Variants in ANXA6 observed in about 807,000 individuals in gnomAD.
ANXA6 encodes 67 kDa calelectrin.
Under a neutral mutation model 95.4 loss-of-function variants are expected in ANXA6, and 71 were observed. The observed-to-expected ratio is 0.74, with a 90% CI of 0.61 to 0.91. The LOEUF (loss-of-function observed/expected upper bound fraction) is 0.91, where lower values mean the gene tolerates loss of function less well. Ranked by LOEUF, ANXA6 falls within the 40% of genes least tolerant of loss-of-function variation. ANXA6 has a pLI of 0.00. For missense variants in ANXA6, 830 were observed against 876.4 expected, an observed-to-expected ratio of 0.95 and a Z score of 0.67; for synonymous variants, 289 against 315.9, an observed-to-expected ratio of 0.91 and a Z score of 0.90.
chr5:151,138,980 T>G, intron 4 of ANXA6, 189 bp from the exon 5 acceptor site: 1 of 609,972 alleles, frequency 1.6e-6, no homozygotes, highest in Non-Finnish European at 2.9e-6. Context: ...GAGGTCTTAC[T>G]CCATGTCATG....
At chr5:151,106,874 G>A (rs1445530267) in intron 23 of ANXA6, among the ~76,000 whole-genome samples, 1 of 152,216 alleles carries the variant, frequency 6.6e-6, no homozygotes, top group African/African-American at 2.4e-5. Context: ...GCCATTGGAT[G>A]GAGGAGTGTG....
intron 2 of ANXA6, among the ~76,000 whole-genome samples, chr5:151,143,233 T>C (rs1765884046): frequency 6.6e-6 from 1 of 152,086 alleles, no homozygotes; most frequent in Admixed American, 6.6e-5. Flanking sequence ...TCCCCTCAGA[T>C]TCCATCTGGG....
At position 151,114,371 on chromosome 5, in the gene ANXA6, G is replaced by A. The variant is rs945516991; in HGVS notation, c.1572+2756C>T. ...TCACGCCTGTAATCCTAGCACTTTG[G>A]GAGGCTGAGGCGGGCGGATCACTTG... On this transcript the variant is annotated intron_variant, in intron 20 of 25. Transcript: ENST00000354546. Among the ~76,000 whole-genome samples the A allele has an allele frequency of 4.6e-5, 7 of 152,110 alleles. No homozygotes were observed. The East Asian group carries it at 1.4e-3, about 29-fold the overall frequency.
At chr5:151,102,733 C>T (rs1242202984) in intron 25 of ANXA6, among the ~76,000 whole-genome samples, 1 of 151,972 alleles carries the variant, frequency 6.6e-6, no homozygotes, top group Non-Finnish European at 1.5e-5. Flanking sequence ...AAAAGTCAGA[C>T]ACAAAGGGTC....
At chr5:151,153,868 T>A (rs958366387) in intron 1 of ANXA6, among the ~76,000 whole-genome samples, 1 of 152,184 alleles carries the variant, frequency 6.6e-6, no homozygotes, top group Admixed American at 6.5e-5. Context: ...GAACAGCACA[T>A]GATCATTTTT....
intron 7 of ANXA6, among the ~76,000 whole-genome samples, chr5:151,134,771 TG>T (rs1765611133): frequency 6.6e-6 from 1 of 152,090 alleles, no homozygotes; most frequent in African/African-American, 2.4e-5. Flanking sequence ...GGCAGAGCCT[TG>T]CCCTGAGGAC....
intron 1 of ANXA6, among the ~76,000 whole-genome samples, chr5:151,148,432 C>T (rs1028993992): frequency 6.6e-6 from 1 of 152,298 alleles, no homozygotes; most frequent in Non-Finnish European, 1.5e-5. Flanking sequence ...GGCTTCAGAA[C>T]CCAGAGCTTG....
intron 12 of ANXA6, 121 bp from the exon 13 acceptor site, chr5:151,128,360 C>CACAGGAGGG: frequency 1.2e-6 from 1 of 828,356 alleles, no homozygotes; most frequent in Non-Finnish European, 2.0e-6. Flanking sequence ...TTCATAGCAG[C>CACAGGAGGG]CCTGGCCCTC....
rs547529673 is a variant in ANXA6 at position 151,150,893 on chromosome 5, G to A, written c.-25-2967C>T. Reference sequence around the variant, plus strand: ...AGGAAGTTAGTTGACACAGACAGAGGGAGGGCTGAGGCCTGTCACCTGCAT... The same window carrying A: ...AGGAAGTTAGTTGACACAGACAGAGAGAGGGCTGAGGCCTGTCACCTGCAT... On this transcript the variant is annotated intron_variant, in intron 1 of 25. Transcript: ENST00000354546. 4 of 152,472 alleles carry A rather than the reference G, an allele frequency of 2.6e-5. No homozygotes were observed. The East Asian group carries it at 7.7e-4, about 29-fold the overall frequency. 9.4% of individuals were successfully genotyped at this position (152,472 alleles called of 1,614,324 possible). A position where few individuals can be genotyped will look rare whatever the true frequency, so the allele number is the denominator to read the frequency against.
At chr5:151,115,919 G>A (rs1402770830) in intron 20 of ANXA6, among the ~76,000 whole-genome samples, 2 of 152,232 alleles carry the variant, frequency 1.3e-5, no homozygotes, top group African/African-American at 2.4e-5. Flanking sequence ...ATTAAGCATA[G>A]ACTCTGGCAT....
intron 1 of ANXA6, chr5:151,155,212 T>G (rs771825607): frequency 5.3e-5 from 8 of 152,066 alleles, no homozygotes; most frequent in Non-Finnish European, 1.0e-4. Context: ...CCTGGCAAAT[T>G]TAAGGGTTCG....
Position 151,101,467 on chromosome 5 carries a change from A to T in ANXA6, c.2003T>A (p.Leu668His). 1 of 1,560,636 alleles carries T rather than the reference A, an allele frequency of 6.4e-7. No homozygotes were observed. Among genetic ancestry groups the T allele is most frequent in the Non-Finnish European group, 8.7e-7 (1 of 1,152,328 alleles). Residue 668 changes from leucine (L) to histidine (H), a missense_variant, in exon 26 of 26, where the codon CTC becomes CAC. Transcript: ENST00000354546. ...SGDFLKALLALCGGED is the reference protein window; with the variant it reads ...SGDFLKALLAHCGGED ...GTGGCCCTAGTCCTCACCACCACAG[A>T]GAGCCAGCAAGGCCTTCAGGAAGTC...
chr5:151,115,398 C>T (rs4958896), intron 20 of ANXA6, among the ~76,000 whole-genome samples: 72,283 of 151,988 alleles, frequency 0.48, 17,289 homozygotes, highest in East Asian at 0.57. Flanking sequence ...GCAGGGATCT[C>T]GCTCAAGGGT....
Position 151,101,123 on chromosome 5 carries a change from A to C in ANXA6, c.*325T>G. The C allele has an allele frequency of 3.8e-6, 2 of 527,620 alleles. No individual in the cohort carries two copies. The highest frequency in any genetic ancestry group is 3.5e-5 in the South Asian group (2 of 57,250). The allele number at this position is 527,620 out of a possible 1,614,324, so 32.7% of individuals were successfully genotyped here. On this transcript the variant is annotated 3_prime_UTR_variant, in exon 26 of 26. Coordinates refer to ENST00000354546, the MANE Select transcript of ANXA6 (RefSeq NM_001155.5). ...CTACTCATTTTACAGACAGAGGTTC[A>C]GGATGTTTTTGGATCTGACATAGCC... is the stretch of plus-strand genomic sequence containing the variant.
At chr5:151,121,852 T>C (rs1765177113) in intron 17 of ANXA6, among the ~76,000 whole-genome samples, 2 of 152,106 alleles carry the variant, frequency 1.3e-5, no homozygotes, top group African/African-American at 4.8e-5. Context: ...GGGATGGACA[T>C]ATGCCACCAT....
intron 3 of ANXA6, 106 bp downstream of exon 3, chr5:151,140,047 G>T (rs1765782651): frequency 3.6e-6 from 3 of 826,996 alleles, no homozygotes; most frequent in Non-Finnish European, 5.5e-6. Context: ...AAATGAATAA[G>T]TGCACTTCAC....
At chr5:151,124,834 C>T (rs1765273204) in intron 14 of ANXA6, among the ~76,000 whole-genome samples, 1 of 152,234 alleles carries the variant, frequency 6.6e-6, no homozygotes, top group Admixed American at 6.5e-5. Context: ...AAATTTCAGT[C>T]ACTCCTAAAG....
intron 1 of ANXA6, among the ~76,000 whole-genome samples, chr5:151,148,356 A>G (rs1332676696): frequency 2.6e-5 from 4 of 152,176 alleles, no homozygotes; most frequent in Non-Finnish European, 5.9e-5. Context: ...TGAATTCAAC[A>G]ATTTCTAGAT....
chr5:151,114,893 A>T (rs928958737), intron 20 of ANXA6, among the ~76,000 whole-genome samples: 3 of 152,196 alleles, frequency 2.0e-5, no homozygotes, highest in Non-Finnish European at 4.4e-5. Flanking sequence ...AGTGTAAAAC[A>T]GGCAAATACA....
Sources: gnomAD v4.1 joint callset for allele counts (sites outside exome capture counted in the v4.1 genomes callset) on GRCh38, gnomAD v4.1.1 for gene constraint, MANE v1.5 for transcripts, NCBI Gene and HGNC (gene_info 2026-07-23, HGNC 2026-07-21) for gene names.